Variants in TSPAN15 observed in about 807,000 individuals in gnomAD.
TSPAN15 encodes the protein tetraspanin-15.
A neutral mutation model predicts 34.5 loss-of-function variants in TSPAN15; 20 were observed. That is an observed-to-expected ratio of 0.58 (90% CI 0.41 to 0.84). TSPAN15 has a LOEUF of 0.84. TSPAN15 is among the 40% of genes least tolerant of loss of function. The pLI is 0.00. For synonymous variants in TSPAN15, 155 were observed against 153.9 expected (o/e 1.01, Z -0.05); for missense variants, 313 against 386.1 (o/e 0.81, Z 1.59).
At chr10:69,510,260 A>G (rs1417643807), downstream of TSPAN15, among the ~76,000 whole-genome samples, 2 of 152,176 alleles carry the variant, frequency 1.3e-5, no homozygotes, top group Admixed American at 6.5e-5. Flanking sequence ...TTCCTTGAGC[A>G]CTAGTTTGTA....
At chr10:69,518,716 C>G in the TSPAN15 span, among the ~76,000 whole-genome samples, 4 of 152,160 alleles carry the variant, frequency 2.6e-5, no homozygotes, top group Non-Finnish European at 5.9e-5. Flanking sequence ...GCCACCGCAC[C>G]CGGCCATAAA....
chr10:69,456,535 A>G (rs1255182420), intron 1 of TSPAN15, among the ~76,000 whole-genome samples: 1 of 152,192 alleles, frequency 6.6e-6, no homozygotes, highest in Non-Finnish European at 1.5e-5. Context: ...TATCAGTATT[A>G]TGAATGGGAA....
chr10:69,472,041 A>T (rs921577131), intron 1 of TSPAN15, among the ~76,000 whole-genome samples: 1 of 152,230 alleles, frequency 6.6e-6, no homozygotes, highest in Non-Finnish European at 1.5e-5. Flanking sequence ...GAGACCAAAA[A>T]CTTTGAGACC....
At chr10:69,467,106 T>C (rs1367159370) in intron 1 of TSPAN15, among the ~76,000 whole-genome samples, 1 of 152,174 alleles carries the variant, frequency 6.6e-6, no homozygotes, top group African/African-American at 2.4e-5. Context: ...GTCCTGATTT[T>C]CTTAAAGCAG....
intron 3 of TSPAN15, among the ~76,000 whole-genome samples, chr10:69,492,096 T>G (rs978132491): frequency 1.3e-5 from 2 of 152,226 alleles, no homozygotes; most frequent in African/African-American, 4.8e-5. Context: ...TTTGCTTAAT[T>G]TAGCCTGGTT....
rs1318591406 is a variant in TSPAN15, at chr10:69,451,677, C to G, written c.83C>G (p.Ser28Cys). 2.6e-6 allele frequency: 4 copies of G among 1,532,542 alleles called. No individual in the cohort carries two copies. In the African/African-American group the frequency reaches 4.2e-5, roughly 16 times the overall value. 94.9% of individuals were successfully genotyped at this position (1,532,542 alleles called of 1,614,324 possible). The change falls in exon 1 of 8, where the codon TCC (serine) becomes TGC (cysteine). Residue 28 changes from serine (S) to cysteine (C), a missense_variant. Coordinates refer to ENST00000373290, the MANE Select transcript of TSPAN15 (RefSeq NM_012339.5). ...CTCAAGTTTTCACTTATCATCTATT[C>G]CACCGTGTTCTGGGTGAGTGACCCC... ...LWLKFSLIIY[S>C]TVFWLIGALV...
intron 1 of TSPAN15, among the ~76,000 whole-genome samples, chr10:69,480,580 C>T (rs1006050222): frequency 1.1e-4 from 16 of 152,170 alleles, no homozygotes; most frequent in African/African-American, 3.9e-4. Context: ...AACCATGATT[C>T]TCTGCTTTGA....
the TSPAN15 span, among the ~76,000 whole-genome samples, chr10:69,524,661 T>A: frequency 7.0e-6 from 1 of 143,376 alleles, no homozygotes. Context: ...AAAGGAAAAC[T>A]ACAATCATAG....
At chr10:69,484,111 A>T in intron 2 of TSPAN15, 1 of 440,062 alleles carries the variant, frequency 2.3e-6, no homozygotes, top group Non-Finnish European at 4.0e-6. Flanking sequence ...GTTCATCTGG[A>T]TGCTCAGTTG....
chr10:69,456,772 A>C (rs565610995), intron 1 of TSPAN15, among the ~76,000 whole-genome samples: 2 of 152,324 alleles, frequency 1.3e-5, no homozygotes, highest in Admixed American at 6.5e-5. Context: ...GAGGGGTCGA[A>C]AGGGCATTGA....
chr10:69,467,056 G>T (rs1453844326), intron 1 of TSPAN15, among the ~76,000 whole-genome samples: 1 of 152,154 alleles, frequency 6.6e-6, no homozygotes, highest in Non-Finnish European at 1.5e-5. Context: ...TCTGCACAGG[G>T]TTTCATGGTC....
chr10:69,490,783 G>A (rs1841951794), intron 3 of TSPAN15, among the ~76,000 whole-genome samples: 1 of 152,212 alleles, frequency 6.6e-6, no homozygotes, highest in Non-Finnish European at 1.5e-5. Flanking sequence ...ATGCTGTGTA[G>A]ATAGTTGTTT....
chr10:69,538,680 C>CATA, the TSPAN15 span, among the ~76,000 whole-genome samples: 1 of 152,212 alleles, frequency 6.6e-6, no homozygotes, highest in Non-Finnish European at 1.5e-5. Context: ...CTAGAGGCTC[C>CATA]ATAGGCAGCT....
At chr10:69,520,646 A>T in the TSPAN15 span, among the ~76,000 whole-genome samples, 2 of 152,204 alleles carry the variant, frequency 1.3e-5, no homozygotes, top group Admixed American at 1.3e-4. Context: ...ACAGAGCAAG[A>T]CCTTGTCTCA....
chr10:69,521,248 G>T, the TSPAN15 span, among the ~76,000 whole-genome samples: 1 of 152,006 alleles, frequency 6.6e-6, no homozygotes, highest in Non-Finnish European at 1.5e-5. Flanking sequence ...GGTGGCTCAC[G>T]CCTGTAATCC....
chr10:69,542,437 T>G, the TSPAN15 span, among the ~76,000 whole-genome samples: 1 of 152,234 alleles, frequency 6.6e-6, no homozygotes, highest in Non-Finnish European at 1.5e-5. Flanking sequence ...GGTATATTTA[T>G]ACTAGTATGT....
chr10:69,480,732 C>G (rs911316595), intron 1 of TSPAN15, among the ~76,000 whole-genome samples: 5 of 152,056 alleles, frequency 3.3e-5, no homozygotes, highest in African/African-American at 9.7e-5. Context: ...GAGTCTTGCT[C>G]TGTCACCCAG....
intron 1 of TSPAN15, among the ~76,000 whole-genome samples, chr10:69,474,927 A>G (rs925006325): frequency 1.3e-5 from 2 of 152,228 alleles, no homozygotes; most frequent in African/African-American, 4.8e-5. Flanking sequence ...ACCTCTGGCT[A>G]CTGAGTCAGC....
At chr10:69,515,108 A>G in the TSPAN15 span, among the ~76,000 whole-genome samples, 1 of 152,132 alleles carries the variant, frequency 6.6e-6, no homozygotes, top group South Asian at 2.1e-4. Flanking sequence ...CCAGTTGATC[A>G]TTCTCTCCTC....
Sources: allele counts gnomAD v4.1 joint callset (sites outside exome capture counted in the v4.1 genomes callset), GRCh38; gene constraint gnomAD v4.1.1; transcripts MANE v1.5; gene names NCBI Gene and HGNC (gene_info 2026-07-23, HGNC 2026-07-21).